The following TMEM61 variants were observed in gnomAD, a reference collection of about 807,000 sequenced individuals.
The protein encoded by TMEM61 is transmembrane protein 61.
In TMEM61, 13 loss-of-function variants were observed where a neutral mutation model predicts 12.0. The observed-to-expected ratio is 1.08, with a 90% CI of 0.70 to 1.72. The LOEUF (loss-of-function observed/expected upper bound fraction) is 1.72, where lower values mean the gene tolerates loss of function less well. TMEM61 is among the 40% of genes most tolerant of loss of function. The pLI is 0.00. For synonymous variants in TMEM61, 109 were observed against 121.4 expected, an observed-to-expected ratio of 0.90 and a Z score of 0.67; for missense variants, 249 against 276.9, an observed-to-expected ratio of 0.90 and a Z score of 0.71.
intron 1 of TMEM61, 86 bp downstream of exon 1, chr1:54,981,166 G>A (rs1644218127): frequency 2.7e-6 from 4 of 1,465,716 alleles, no homozygotes; most frequent in African/African-American, 2.8e-5. Context: ...CCCTAACCTC[G>A]GTCACCGTGG....
intron 2 of TMEM61, among the ~76,000 whole-genome samples, chr1:54,991,223 G>A (rs1644295884): frequency 6.6e-6 from 1 of 152,234 alleles, no homozygotes; most frequent in South Asian, 2.1e-4. Context: ...TGGTTTAGTT[G>A]GCCAGGGGTG....
chr1:54,987,872 G>C (rs1396431060), intron 2 of TMEM61, among the ~76,000 whole-genome samples: 3 of 152,228 alleles, frequency 2.0e-5, no homozygotes, highest in Non-Finnish European at 4.4e-5. Context: ...CTTCCTCCCT[G>C]TTTTAACAGG....
chr1:54,991,977 G>T lies in TMEM61; in HGVS notation c.507G>T (p.Gln169His), dbSNP rs781265946. The change falls in exon 3 of 3, where the codon CAG becomes CAT. Residue 169 changes from glutamine (Q) to histidine (H), a missense_variant. By Grantham distance (24) the Gln-to-His change is conservative (BLOSUM62 0). Coordinates refer to ENST00000371268, the MANE Select transcript of TMEM61 (RefSeq NM_182532.3). ...CGAGGGATGCCCTGCTCAGCACCCAGCCCGCCTGGCCTCCACCCAGCTATG... is the reference window on the plus strand; with the variant it reads ...CGAGGGATGCCCTGCTCAGCACCCATCCCGCCTGGCCTCCACCCAGCTATG... ...SGSRDALLST[Q>H]PAWPPPSYES... The T allele has an allele frequency of 1.2e-5, 19 of 1,614,032 alleles. No individual in the cohort carries two copies. Among genetic ancestry groups the T allele is most frequent in the Non-Finnish European group, 4.2e-6 (5 of 1,180,054 alleles).
At chr1:54,984,884 T>C (rs778167800) in intron 1 of TMEM61, among the ~76,000 whole-genome samples, 39 of 152,176 alleles carry the variant, frequency 2.6e-4, no homozygotes, top group Admixed American at 7.2e-4. Flanking sequence ...GAAATTGGCT[T>C]TGGGGACAAC....
chr1:54,986,888 C>T (rs1337403803), intron 2 of TMEM61, among the ~76,000 whole-genome samples: 1 of 152,168 alleles, frequency 6.6e-6, no homozygotes, highest in Admixed American at 6.5e-5. Flanking sequence ...TTAACTTCCT[C>T]ATTTGAAATG....
At chr1:54,991,715 G>A in intron 2 of TMEM61, 121 bp from the exon 3 acceptor site, 1 of 1,226,340 alleles carries the variant, frequency 8.2e-7, no homozygotes. Context: ...ACCCTGGAGA[G>A]CCACAAAGGC....
intron 2 of TMEM61, among the ~76,000 whole-genome samples, chr1:54,990,769 G>A (rs2249490): frequency 0.8 from 121,483 of 151,766 alleles, 48,777 homozygotes; most frequent in Admixed American, 0.84. Flanking sequence ...CGGGCGCTGA[G>A]TGCTGCCCTC....
intron 1 of TMEM61, among the ~76,000 whole-genome samples, chr1:54,981,886 G>T (rs1293291736): frequency 6.6e-6 from 1 of 152,216 alleles, no homozygotes; most frequent in South Asian, 2.1e-4. Context: ...GCTGAGCACT[G>T]CTGTGGAAAT....
At chr1:54,983,580 C>T (rs1191406207) in intron 1 of TMEM61, among the ~76,000 whole-genome samples, 4 of 152,106 alleles carry the variant, frequency 2.6e-5, no homozygotes, top group Admixed American at 2.0e-4. Context: ...CTGTACCTGG[C>T]TTTGGACCAG....
rs545872079 is a variant in TMEM61 at position 54,982,482 on chromosome 1, C to T, written c.15+1402C>T. 4.6e-5 allele frequency among the ~76,000 whole-genome samples: 7 copies of T among 152,312 alleles called. No individual in the cohort carries two copies. The South Asian group carries it at 1.5e-3, about 32-fold the overall frequency. On this transcript the variant is annotated intron_variant, in intron 1 of 2. Coordinates refer to ENST00000371268, the MANE Select transcript of TMEM61 (RefSeq NM_182532.3). ...CCAGTGGACATTGACCTTCTCCACC[C>T]CAACCGTCCCCCAGGATGGCAGGTT...
chr1:54,984,764 A>C (rs374186667), intron 1 of TMEM61, among the ~76,000 whole-genome samples: 4 of 152,092 alleles, frequency 2.6e-5, no homozygotes, highest in African/African-American at 9.7e-5. Context: ...TAGGGGTTTA[A>C]AGTTAAAGTG....
At chr1:54,985,243 G>A (rs1398618779) in intron 1 of TMEM61, among the ~76,000 whole-genome samples, 2 of 115,858 alleles carry the variant, frequency 1.7e-5, no homozygotes, top group South Asian at 2.9e-4. Flanking sequence ...GTGTGTGTGT[G>A]TGTATGTGTG....
intron 1 of TMEM61, among the ~76,000 whole-genome samples, chr1:54,982,815 T>C (rs1644231892): frequency 6.6e-6 from 1 of 152,208 alleles, no homozygotes; most frequent in African/African-American, 2.4e-5. Context: ...GCAGTAACCC[T>C]AGTGGACAAA....
chr1:54,981,261 T>C (rs1041884522), intron 1 of TMEM61, among the ~76,000 whole-genome samples, 181 bp downstream of exon 1: 11 of 152,308 alleles, frequency 7.2e-5, no homozygotes, highest in East Asian at 3.9e-4. Context: ...AGGGCCTCAA[T>C]TGGGGAACAA....
intron 1 of TMEM61, 148 bp downstream of exon 1, chr1:54,981,228 G>T: frequency 3.7e-6 from 3 of 816,310 alleles, no homozygotes. Context: ...TATCTTGCTG[G>T]GTGGCTTGAG....
chr1:54,981,175 G>C lies in TMEM61; in HGVS notation c.15+95G>C, dbSNP rs1423273641. The C allele has an allele frequency of 2.8e-6, 4 of 1,414,952 alleles. No homozygotes were observed. The African/African-American group carries it at 5.8e-5, about 20-fold the overall frequency. 87.6% of individuals were successfully genotyped at this position (1,414,952 alleles called of 1,614,324 possible). The stretch of plus-strand genomic sequence containing the variant: ...CCCTTCCCCTAACCTCGGTCACCGT[G>C]GCTTGGTGGGCAGTGTGGACACCCG... On this transcript the variant is annotated intron_variant, in intron 1 of 2. Coordinates refer to ENST00000371268, the MANE Select transcript of TMEM61 (RefSeq NM_182532.3).
At chr1:54,981,302 T>C (rs923567600) in intron 1 of TMEM61, among the ~76,000 whole-genome samples, 6 of 152,170 alleles carry the variant, frequency 3.9e-5, no homozygotes, top group Non-Finnish European at 8.8e-5. Context: ...AGTTTCGTCT[T>C]TACAGAAAGC....
At chr1:54,981,110 A>G in intron 1 of TMEM61, 30 bp downstream of exon 1, 1 of 1,578,282 alleles carries the variant, frequency 6.3e-7, no homozygotes, top group Non-Finnish European at 8.6e-7. Context: ...TCCCTCCTTT[A>G]CGGGCACTCA....
At chr1:54,981,312 C>T (rs72907616) in intron 1 of TMEM61, among the ~76,000 whole-genome samples, 1 of 152,150 alleles carries the variant, frequency 6.6e-6, no homozygotes, top group Non-Finnish European at 1.5e-5. Flanking sequence ...TTACAGAAAG[C>T]GGCATCTAAA....
Sources: allele counts gnomAD v4.1 joint callset (sites outside exome capture counted in the v4.1 genomes callset), GRCh38; gene constraint gnomAD v4.1.1; transcripts MANE v1.5; gene names NCBI Gene and HGNC (gene_info 2026-07-23, HGNC 2026-07-21).